Variants in VPS54 observed in about 807,000 individuals in gnomAD.
The protein encoded by VPS54 is VPS54 subunit of GARP complex.
VPS54 carries 45 observed loss-of-function variants against 121.5 expected under a neutral mutation model. That is an observed-to-expected ratio of 0.37 (90% CI 0.29 to 0.47). The LOEUF (loss-of-function observed/expected upper bound fraction) is 0.47. Among genes scored for constraint, VPS54 ranks in the 20% least tolerant of loss-of-function variants. The pLI is 0.99. For missense variants in VPS54, 1,090 were observed against 1,131.4 expected (o/e 0.96, Z 0.52); for synonymous variants, 371 against 385.8 (o/e 0.96, Z 0.45).
chr2:64,017,352 AAAGAAAC>A (rs1234580009), intron 1 of VPS54, among the ~76,000 whole-genome samples: 1 of 146,212 alleles, frequency 6.8e-6, no homozygotes, highest in Non-Finnish European at 1.6e-5. Flanking sequence ...AAAAAAAAGA[AAAGAAAC>A]AAAAAAAAAG....
chr2:63,928,741 C>T (rs1236069740), intron 12 of VPS54, among the ~76,000 whole-genome samples: 9 of 150,704 alleles, frequency 6.0e-5, no homozygotes, highest in Non-Finnish European at 4.4e-5. Flanking sequence ...CAAGACCCAT[C>T]GGTGTGCTAC....
intron 1 of VPS54, among the ~76,000 whole-genome samples, chr2:63,985,486 TG>T (rs1677006123): frequency 6.6e-6 from 1 of 152,092 alleles, no homozygotes; most frequent in Non-Finnish European, 1.5e-5. Flanking sequence ...TACCATTCAC[TG>T]AAACAGTAAG....
At chr2:63,939,834 C>G (rs1674638698) in intron 11 of VPS54, among the ~76,000 whole-genome samples, 1 of 151,592 alleles carries the variant, frequency 6.6e-6, no homozygotes, top group Non-Finnish European at 1.5e-5. Flanking sequence ...CATCTTGGCT[C>G]ACTGCAACCT....
chr2:63,993,993 T>C (rs1246978231), intron 1 of VPS54, among the ~76,000 whole-genome samples: 1 of 152,226 alleles, frequency 6.6e-6, no homozygotes, highest in East Asian at 1.9e-4. Context: ...GGAAAGAGAA[T>C]ATGCTTGTGT....
chr2:64,016,579 A>G (rs1318170088), intron 1 of VPS54, among the ~76,000 whole-genome samples: 1 of 151,104 alleles, frequency 6.6e-6, no homozygotes, highest in Non-Finnish European at 1.5e-5. Context: ...TGGTTGCACA[A>G]TTATTTAATC....
chr2:63,951,946 T>C (rs1025978129), intron 7 of VPS54, among the ~76,000 whole-genome samples: 1 of 152,178 alleles, frequency 6.6e-6, no homozygotes, highest in Non-Finnish European at 1.5e-5. Context: ...ACAGACAAAA[T>C]ATTGACATTC....
Position 63,981,820 on chromosome 2 carries a change from A to G in VPS54, c.204T>C (p.His68=). The G allele has an allele frequency of 6.2e-7, 1 of 1,613,790 alleles. No homozygotes were observed. Among genetic ancestry groups the G allele is most frequent in the Non-Finnish European group, 8.5e-7 (1 of 1,179,776 alleles). ...ATGCTGCTGGGAGATTTACTTTGGA[A>G]TGATATACAGTCCATCTATGTTGAT... ...VTDQHRWTVY[H]SKVNLPAALN... The change falls in exon 3 of 23, where the codon CAT becomes CAC. Residue 68 remains histidine, a synonymous_variant. Coordinates refer to ENST00000272322, the MANE Select transcript of VPS54 (RefSeq NM_016516.3).
At chr2:63,994,446 G>C (rs1205381725) in intron 1 of VPS54, among the ~76,000 whole-genome samples, 1 of 152,078 alleles carries the variant, frequency 6.6e-6, no homozygotes, top group African/African-American at 2.4e-5. Context: ...CGCTCCTGCA[G>C]AAATCTACAC....
At chr2:63,943,488 T>C (rs930910771) in intron 10 of VPS54, among the ~76,000 whole-genome samples, 1 of 152,180 alleles carries the variant, frequency 6.6e-6, no homozygotes, top group Non-Finnish European at 1.5e-5. Context: ...CTGATTATTA[T>C]AGTTTGCTTC....
At chr2:63,959,559 A>C (rs1389855654) in intron 7 of VPS54, among the ~76,000 whole-genome samples, 1 of 152,242 alleles carries the variant, frequency 6.6e-6, no homozygotes. Context: ...CAAAATGTAG[A>C]AAATCAGAAC....
chr2:63,958,521 C>T (rs1025965569), intron 7 of VPS54, among the ~76,000 whole-genome samples: 17 of 152,090 alleles, frequency 1.1e-4, no homozygotes, highest in African/African-American at 4.1e-4. Context: ...TAGAACCAGT[C>T]TGGGCAACAC....
chr2:63,969,737 A>C (rs1168965770), intron 4 of VPS54, among the ~76,000 whole-genome samples: 1 of 152,232 alleles, frequency 6.6e-6, no homozygotes, highest in East Asian at 1.9e-4. Context: ...GTTTTCCATG[A>C]AACCAGTCCC....
intron 1 of VPS54, among the ~76,000 whole-genome samples, chr2:64,009,023 G>A (rs1275872620): frequency 6.6e-6 from 1 of 152,194 alleles, no homozygotes; most frequent in Non-Finnish European, 1.5e-5. Flanking sequence ...TGAGTTAACT[G>A]TGAAGAGGGA....
At chr2:63,990,644 T>C (rs952040928) in intron 1 of VPS54, among the ~76,000 whole-genome samples, 1 of 152,170 alleles carries the variant, frequency 6.6e-6, no homozygotes, top group Non-Finnish European at 1.5e-5. Context: ...GTTTCCCTTA[T>C]CTACACATGC....
chr2:63,897,301 A>G (rs1018124018), intron 22 of VPS54, among the ~76,000 whole-genome samples, 195 bp downstream of exon 22: 1 of 144,978 alleles, frequency 6.9e-6, no homozygotes, highest in African/African-American at 2.4e-5. Context: ...GCAATTGTCC[A>G]TGTATAAACC....
chr2:63,951,873 T>G (rs1675265393), intron 7 of VPS54, among the ~76,000 whole-genome samples: 1 of 152,116 alleles, frequency 6.6e-6, no homozygotes, highest in Non-Finnish European at 1.5e-5. Context: ...AGGTGTACCT[T>G]TAGCCTCCAA....
chr2:63,912,841 GAAT>G (rs1673212774), intron 18 of VPS54, among the ~76,000 whole-genome samples, 180 bp from the exon 19 acceptor site: 1 of 152,138 alleles, frequency 6.6e-6, no homozygotes, highest in Admixed American at 6.5e-5. Flanking sequence ...ATTTGATACT[GAAT>G]AATGTAATGA....
At chr2:63,907,944 A>G (rs1575891525) in intron 20 of VPS54, among the ~76,000 whole-genome samples, 1 of 152,360 alleles carries the variant, frequency 6.6e-6, no homozygotes, top group East Asian at 1.9e-4. Flanking sequence ...ACTCTTCTAC[A>G]TGGCAAGTAA....
intron 3 of VPS54, chr2:63,975,028 G>A (rs1365295122): frequency 6.5e-7 from 1 of 1,549,270 alleles, no homozygotes; most frequent in Non-Finnish European, 8.7e-7. Flanking sequence ...TTCCCCATTA[G>A]CTACAGAGTT....
Sources: gnomAD v4.1 joint callset for allele counts (sites outside exome capture counted in the v4.1 genomes callset) on GRCh38, gnomAD v4.1.1 for gene constraint, MANE v1.5 for transcripts, NCBI Gene and HGNC (gene_info 2026-07-23, HGNC 2026-07-21) for gene names.